FOXP2: variants seen among roughly 807,000 people sequenced by gnomAD.
FOXP2 encodes forkhead box P2, also known as forkhead box protein P2.
A neutral mutation model predicts 115.8 loss-of-function variants in FOXP2; 12 were observed. The ratio of observed to expected loss-of-function variants is 0.10; its 90% CI spans 0.07 to 0.17. The LOEUF (loss-of-function observed/expected upper bound fraction) is 0.17, where lower values mean the gene tolerates loss of function less well. Ranked by LOEUF, FOXP2 falls within the 10% of genes least tolerant of loss-of-function variation. The pLI is 1.00. For missense variants in FOXP2, 629 were observed against 843.5 expected (o/e 0.75, Z 3.15); for synonymous variants, 328 against 297.7 (o/e 1.10, Z -1.05).
Position 114,663,472 on chromosome 7 carries a change from A to T in FOXP2, c.1792A>T (p.Ile598Leu). The part of the protein sequence containing the change: ...ITGSPTLVKN[I>L]PTSLGYGAAL... ...CAGAAGTCCAACCTTAGTAAAAAAT[A>T]TACCTACCAGTTTAGGCTATGGAGC... The change falls in exon 15 of 17, where the codon ATA (isoleucine) becomes TTA (leucine). Residue 598 changes from isoleucine (I) to leucine (L), a missense_variant. Transcript: ENST00000350908. The T allele has an allele frequency of 6.2e-7, 1 of 1,611,030 alleles. No individual in the cohort carries two copies. Among genetic ancestry groups the T allele is most frequent in the Non-Finnish European group, 8.5e-7 (1 of 1,178,518 alleles).
intron 2 of FOXP2, among the ~76,000 whole-genome samples, chr7:114,307,305 C>T (rs772467518): frequency 2.6e-5 from 4 of 152,040 alleles, no homozygotes; most frequent in Admixed American, 1.3e-4. Flanking sequence ...CACATTTATG[C>T]CCCCCGAGTC....
chr7:114,445,724 T>C (rs1380127090), intron 2 of FOXP2, among the ~76,000 whole-genome samples: 1 of 152,152 alleles, frequency 6.6e-6, no homozygotes, highest in East Asian at 1.9e-4. Flanking sequence ...AGCTTTATTT[T>C]ATACAAGATC....
chr7:114,617,557 G>A (rs529152836), intron 3 of FOXP2, among the ~76,000 whole-genome samples: 1 of 152,346 alleles, frequency 6.6e-6, no homozygotes, highest in East Asian at 1.9e-4. Flanking sequence ...ACTTTGGGAG[G>A]CGGAGGCGGG....
At chr7:114,656,464 T>C (rs1399971884) in intron 10 of FOXP2, 1 of 451,182 alleles carries the variant, frequency 2.2e-6, no homozygotes, top group Non-Finnish European at 4.5e-6. Context: ...CACATACAGA[T>C]GCATATGGAT....
At chr7:114,436,386 A>G (rs953227478) in intron 2 of FOXP2, among the ~76,000 whole-genome samples, 3 of 151,474 alleles carry the variant, frequency 2.0e-5, no homozygotes, top group South Asian at 2.1e-4. Context: ...CTAGACAGTA[A>G]GTTTTATGAG....
chr7:114,390,023 C>T, intron 2 of FOXP2, among the ~76,000 whole-genome samples: 3 of 93,192 alleles, frequency 3.2e-5, no homozygotes, highest in Non-Finnish European at 6.0e-5. Context: ...CATTCAGTGT[C>T]AAAAAAAAAA....
intron 2 of FOXP2, among the ~76,000 whole-genome samples, chr7:114,406,083 T>C (rs1793029609): frequency 7.4e-6 from 1 of 134,814 alleles, no homozygotes; most frequent in Admixed American, 7.5e-5. Context: ...GAAAGAAGTA[T>C]GATTTGTATA....
intron 3 of FOXP2, among the ~76,000 whole-genome samples, chr7:114,621,790 G>A (rs1257622082): frequency 6.6e-6 from 1 of 151,994 alleles, no homozygotes; most frequent in African/African-American, 2.4e-5. Flanking sequence ...CCAGCGGCAG[G>A]AGGGTTTTGA....
chr7:114,162,133 A>T (rs375811187), upstream of FOXP2, among the ~76,000 whole-genome samples: 1 of 152,114 alleles, frequency 6.6e-6, no homozygotes, highest in Non-Finnish European at 1.5e-5. Context: ...AATACCCATT[A>T]TTGGAAACTT....
chr7:114,205,209 G>T (rs1253749228), intron 1 of FOXP2, among the ~76,000 whole-genome samples: 2 of 152,104 alleles, frequency 1.3e-5, no homozygotes, highest in Non-Finnish European at 2.9e-5. Flanking sequence ...ATATGACCGT[G>T]AATTTCTTGA....
intron 16 of FOXP2, among the ~76,000 whole-genome samples, chr7:114,680,098 T>C (rs956847204): frequency 6.6e-6 from 1 of 152,206 alleles, no homozygotes; most frequent in Non-Finnish European, 1.5e-5. Flanking sequence ...AAACTTTATA[T>C]CTCTCCATTA....
chr7:114,276,208 G>T (rs542315242), intron 1 of FOXP2, among the ~76,000 whole-genome samples: 1 of 152,236 alleles, frequency 6.6e-6, no homozygotes, highest in East Asian at 1.9e-4. Context: ...ACCCAGGCTG[G>T]AGTGAATTGG....
chr7:114,256,475 G>A (rs1206411176), intron 1 of FOXP2, among the ~76,000 whole-genome samples: 1 of 151,946 alleles, frequency 6.6e-6, no homozygotes, highest in Non-Finnish European at 1.5e-5. Context: ...TTTTTTTCCT[G>A]TTTGTTGGCT....
At chr7:114,686,044 T>C (rs957098516) in intron 16 of FOXP2, among the ~76,000 whole-genome samples, 3 of 151,880 alleles carry the variant, frequency 2.0e-5, no homozygotes, top group Non-Finnish European at 4.4e-5. Flanking sequence ...ATAAACTAAT[T>C]AGAATTGTAT....
chr7:114,443,522 C>T (rs1466459977), intron 2 of FOXP2, among the ~76,000 whole-genome samples: 1 of 152,078 alleles, frequency 6.6e-6, no homozygotes, highest in African/African-American at 2.4e-5. Flanking sequence ...TATTTCATCA[C>T]CTGGCTAATA....
rs545924390 is a variant in FOXP2, at chr7:114,380,497, C to T, written c.-10-46005C>T. 7.2e-5 allele frequency among the ~76,000 whole-genome samples: 11 copies of T among 152,220 alleles called. No individual in the cohort carries two copies. The East Asian group carries it at 9.7e-4, about 13-fold the overall frequency. On this transcript the variant is annotated intron_variant, in intron 2 of 17. Transcript: ENST00000634411. ...CTTCCATTAGTATACAAGTTGAGGT[C>T]GGGATCAGTCAAGGGAACCTCTAAA... is the stretch of plus-strand genomic sequence containing the variant.
chr7:114,411,454 C>G (rs554873991), upstream of FOXP2, among the ~76,000 whole-genome samples: 3 of 152,156 alleles, frequency 2.0e-5, no homozygotes, highest in Admixed American at 1.3e-4. Flanking sequence ...GTAAGCATAA[C>G]GCTCAAAATA....
intron 6 of FOXP2, among the ~76,000 whole-genome samples, chr7:114,640,971 A>T (rs572360762): frequency 6.6e-6 from 1 of 152,292 alleles, no homozygotes; most frequent in African/African-American, 2.4e-5. Flanking sequence ...AGCTCTTAGT[A>T]AAAATGCCAG....
intron 3 of FOXP2, among the ~76,000 whole-genome samples, chr7:114,575,564 G>A (rs1039674103): frequency 6.6e-6 from 1 of 151,794 alleles, no homozygotes; most frequent in Non-Finnish European, 1.5e-5. Flanking sequence ...TTTCTGACTT[G>A]TTAAGTGGAA....
Sources: gnomAD v4.1 joint callset for allele counts (sites outside exome capture counted in the v4.1 genomes callset) on GRCh38, gnomAD v4.1.1 for gene constraint, MANE v1.5 for transcripts, NCBI Gene and HGNC (gene_info 2026-07-23, HGNC 2026-07-21) for gene names.